The following OVOL2 variants were observed in gnomAD, a reference collection of about 807,000 sequenced individuals.
OVOL2 encodes the protein transcription factor Ovo-like 2.
A neutral mutation model predicts 18.1 loss-of-function variants in OVOL2; 13 were observed. The ratio of observed to expected loss-of-function variants is 0.72; its 90% confidence interval spans 0.47 to 1.14. The LOEUF is 1.14. Among genes scored for constraint, OVOL2 ranks in the 50% most tolerant of loss-of-function variants. The pLI is 0.00. For synonymous variants in OVOL2, 166 were observed against 162.7 expected, an observed-to-expected ratio of 1.02 and a Z score of -0.16; for missense variants, 335 against 383.0, an observed-to-expected ratio of 0.87 and a Z score of 1.05.
intron 3 of OVOL2, among the ~76,000 whole-genome samples, chr20:18,038,073 A>AG (rs2036634461): frequency 6.6e-6 from 1 of 152,200 alleles, no homozygotes; most frequent in Non-Finnish European, 1.5e-5. Context: ...GTTAGAAACA[A>AG]GGCACCTCCC....
rs540966468 is a variant in OVOL2 at position 18,024,831 on chromosome 20, G to A, written c.633C>T (p.Asp211=). ...CGCAATCCTCGCAGACGTAGAGCTT[G>A]TCCCGCCGCTGCTTATAGGCATACT... ...QQQYAYKQRR[D]KLYVCEDCGY... is the part of the protein sequence containing the mutation. Residue 211 remains aspartate (D), a synonymous_variant, in exon 4 of 4, where the codon GAC becomes GAT. Transcript: ENST00000278780. The A allele has an allele frequency of 6.2e-7, 1 of 1,614,194 alleles. No homozygotes were observed. The highest frequency in any genetic ancestry group is 1.7e-5 in the Admixed American group (1 of 60,016).
chr20:18,051,274 G>A (rs1483233918), intron 2 of OVOL2, among the ~76,000 whole-genome samples: 1 of 152,034 alleles, frequency 6.6e-6, no homozygotes, highest in African/African-American at 2.4e-5. Context: ...GAGAATTCTG[G>A]TTAACAACTG....
rs1056032293 is a variant in OVOL2 at position 18,047,161 on chromosome 20, T to C, written c.322-5438A>G. Among the ~76,000 whole-genome samples the C allele has an allele frequency of 2.0e-5, 3 of 152,220 alleles. No homozygotes were observed. The South Asian group carries it at 6.2e-4, about 32-fold the overall frequency. ...TGTGGCAAGTTACCTAACTTAGTTGTAGGCAAGTTACCTAACTTCTCTAAG... is the reference window on the plus strand; with the variant it reads ...TGTGGCAAGTTACCTAACTTAGTTGCAGGCAAGTTACCTAACTTCTCTAAG... On this transcript the variant is annotated intron_variant, in intron 2 of 3. Coordinates refer to ENST00000278780, the MANE Select transcript of OVOL2 (RefSeq NM_021220.4).
At chr20:18,053,179 T>C (rs899495843) in intron 2 of OVOL2, among the ~76,000 whole-genome samples, 4 of 152,236 alleles carry the variant, frequency 2.6e-5, no homozygotes, top group African/African-American at 7.2e-5. Context: ...GTGAATCCCA[T>C]GTCCTTACAG....
chr20:18,034,468 C>T (rs2122698645), intron 3 of OVOL2, among the ~76,000 whole-genome samples: 1 of 152,254 alleles, frequency 6.6e-6, no homozygotes, highest in African/African-American at 2.4e-5. Context: ...CTCAATAAAC[C>T]ATTTGATGGG....
rs1600456812 is a variant in OVOL2, at chr20:18,057,678, C to A, written c.-44G>T. On this transcript the variant is annotated 5_prime_UTR_variant, in exon 1 of 4. Coordinates refer to ENST00000278780, the MANE Select transcript of OVOL2 (RefSeq NM_021220.4). This position sits in a 1 kb window ranked among gnomAD's most constrained non-coding sequence, Gnocchi z 6.3. ...GACTGCGGCCCCCTCCTCCCGGCTG[C>A]TCCCCGCTAGGGGCAACGGCGGCGG... 6.5e-7 allele frequency: 1 copy of A among 1,530,996 alleles called. No homozygotes were observed. The highest frequency in any genetic ancestry group is 1.4e-5 in the African/African-American group (1 of 71,338). The allele number at this position is 1,530,996 out of a possible 1,614,324, so 94.8% of individuals were successfully genotyped here.
At chr20:18,027,546 GTAAA>G (rs1264637030) in intron 3 of OVOL2, among the ~76,000 whole-genome samples, 1 of 149,602 alleles carries the variant, frequency 6.7e-6, no homozygotes, top group African/African-American at 2.5e-5. Context: ...AAAAAAATAA[GTAAA>G]TAAATAAATA....
intron 2 of OVOL2, among the ~76,000 whole-genome samples, chr20:18,044,462 CAG>C (rs768675934): frequency 3.3e-5 from 5 of 152,192 alleles, no homozygotes; most frequent in Non-Finnish European, 5.9e-5. Context: ...TGGCAGGATG[CAG>C]AGAGTCTCAA....
Position 18,057,539 on chromosome 20 carries a change from G to T in OVOL2, c.96C>A (p.Ile32=). The T allele has an allele frequency of 1.9e-6, 3 of 1,578,266 alleles. No homozygotes were observed. Among genetic ancestry groups the T allele is most frequent in the Non-Finnish European group, 1.7e-6 (2 of 1,161,802 alleles). Residue 32 remains isoleucine, a synonymous_variant, in exon 1 of 4, where the codon ATC becomes ATA. Coordinates refer to ENST00000278780, the MANE Select transcript of OVOL2 (RefSeq NM_021220.4). This position sits in a 1 kb window ranked among gnomAD's most constrained non-coding sequence, Gnocchi z 6.3. ...CCGGCCCCCGCGCGCGCTCACCTGG[G>T]ATGTAGGTGTCTGCCCTTTTCTCAT... The part of the protein sequence containing the change: ...LPDEKRADTY[I]PVGLGRLLHD...
In OVOL2 at chr20:18,057,077, G is replaced by C. The variant is rs911906894; in HGVS notation, c.101-200C>G. Among the ~76,000 whole-genome samples the C allele has an allele frequency of 1.3e-5, 2 of 152,146 alleles. No homozygotes were observed. The highest frequency in any genetic ancestry group is 2.9e-5 in the Non-Finnish European group (2 of 68,018). On this transcript the variant is annotated intron_variant, in intron 1 of 3. Transcript: ENST00000278780. The surrounding 1 kb of genome is among the most constrained non-coding windows in gnomAD (Gnocchi z 6.3). ...TTGGGGTGCTCGGAGCCTCTTTCCG[G>C]TCCCAGCCAAGGCGCCCACGAGGAA...
chr20:18,057,007 T>C lies in OVOL2; in HGVS notation c.101-130A>G. The C allele has an allele frequency of 9.2e-7, 1 of 1,087,756 alleles. No homozygotes were observed. Among genetic ancestry groups the C allele is most frequent in the Non-Finnish European group, 1.2e-6 (1 of 817,890 alleles). 67.4% of individuals were successfully genotyped at this position (1,087,756 alleles called of 1,614,324 possible). ...TGGGCACCTCGCCAAGTGGGCAACGTCGCGGGGGAGGCCAGTAAGCCCCGA... is the reference window on the plus strand; with the variant it reads ...TGGGCACCTCGCCAAGTGGGCAACGCCGCGGGGGAGGCCAGTAAGCCCCGA... On this transcript the variant is annotated intron_variant, in intron 1 of 3. Transcript: ENST00000278780. This position sits in a 1 kb window ranked among gnomAD's most constrained non-coding sequence, Gnocchi z 6.3.
Position 18,041,595 on chromosome 20 carries a change from G to C in OVOL2, c.450C>G (p.Thr150=). ...CHNQVKRHLC[T]FCGKGFNDTF... ...TGTCGTTGAAGCCCTTGCCGCAGAAGGTGCACAGGTGTCTTTTCACCTGGT... is the reference window on the plus strand; with the variant it reads ...TGTCGTTGAAGCCCTTGCCGCAGAACGTGCACAGGTGTCTTTTCACCTGGT... Residue 150 remains threonine, a synonymous_variant, in exon 3 of 4, where the codon ACC becomes ACG. Transcript: ENST00000278780. 6.2e-7 allele frequency: 1 copy of C among 1,614,188 alleles called. No homozygotes were observed. Among genetic ancestry groups the C allele is most frequent in the Non-Finnish European group, 8.5e-7 (1 of 1,180,034 alleles).
At chr20:18,036,987 T>G (rs2122702779) in intron 3 of OVOL2, among the ~76,000 whole-genome samples, 1 of 151,174 alleles carries the variant, frequency 6.6e-6, no homozygotes, top group South Asian at 2.1e-4. Context: ...ATACAGAAAA[T>G]TAGCCAGGCT....
At chr20:18,055,632 C>G (rs2036814597) in intron 2 of OVOL2, among the ~76,000 whole-genome samples, 1 of 152,208 alleles carries the variant, frequency 6.6e-6, no homozygotes, top group Non-Finnish European at 1.5e-5. Flanking sequence ...GCATAGGGGA[C>G]CTCTCCCAGG....
chr20:18,030,405 G>C (rs547814892), intron 3 of OVOL2, among the ~76,000 whole-genome samples: 3 of 152,266 alleles, frequency 2.0e-5, no homozygotes, highest in Admixed American at 1.3e-4. Flanking sequence ...GGGGAAGCTG[G>C]CACACTTAAC....
In OVOL2 at chr20:18,027,476, C is replaced by T. The variant is rs940181794; in HGVS notation, c.512-2524G>A. On this transcript the variant is annotated intron_variant, in intron 3 of 3. Coordinates refer to ENST00000278780, the MANE Select transcript of OVOL2 (RefSeq NM_021220.4). Reference sequence around the variant, plus strand: ...CCAGGAGGCAGAAGTTGCAGTGAGTCGAGATTGTGCCACTGCACTCTAGCC... The same window carrying T: ...CCAGGAGGCAGAAGTTGCAGTGAGTTGAGATTGTGCCACTGCACTCTAGCC... 3.5e-4 allele frequency among the ~76,000 whole-genome samples: 53 copies of T among 150,236 alleles called. 1 individual carries two copies. Among genetic ancestry groups the T allele is most frequent in the African/African-American group, 1.2e-3 (49 of 40,900 alleles).
At chr20:18,046,226 A>T (rs2036723290) in intron 2 of OVOL2, among the ~76,000 whole-genome samples, 2 of 152,238 alleles carry the variant, frequency 1.3e-5, no homozygotes, top group Non-Finnish European at 2.9e-5. Context: ...ATTTATCCCT[A>T]AAAGTATATT....
chr20:18,031,476 C>T (rs189690125), intron 3 of OVOL2, among the ~76,000 whole-genome samples: 1 of 152,194 alleles, frequency 6.6e-6, no homozygotes, highest in East Asian at 1.9e-4. Context: ...ACTCGGGAGG[C>T]CAGGGCAGGA....
chr20:18,056,678 C>T lies in OVOL2; in HGVS notation c.300G>A (p.Pro100=), dbSNP rs1347288527. 10 of 1,432,720 alleles carry T rather than the reference C, an allele frequency of 7.0e-6. No homozygotes were observed. Among genetic ancestry groups the T allele is most frequent in the Middle Eastern group, 1.8e-4 (1 of 5,462 alleles). The allele number at this position is 1,432,720 out of a possible 1,614,324, so 88.8% of individuals were successfully genotyped here. A position where few individuals can be genotyped will look rare whatever the true frequency, so the allele number is the denominator to read the frequency against. The change falls in exon 2 of 4, where the codon CCG becomes CCA. Residue 100 remains proline (P), a synonymous_variant. Transcript: ENST00000278780. The surrounding 1 kb of genome is among the most constrained non-coding windows in gnomAD (Gnocchi z 4.2). ...GTACCTTGATTTTCGATCTGGCGAC[C>T]GGGCGCTGCTTGGTCGCCAGGTGTC... is the stretch of plus-strand genomic sequence containing the variant. ...PDGHLATKQR[P]VARSKIKFTT... is the part of the protein sequence containing the mutation.
Sources: gnomAD v4.1 joint callset for allele counts (sites outside exome capture counted in the v4.1 genomes callset) on GRCh38, gnomAD v4.1.1 for gene constraint, Gnocchi (gnomAD v3.1) non-coding constraint, MANE v1.5 for transcripts, NCBI Gene and HGNC (gene_info 2026-07-23, HGNC 2026-07-21) for gene names.